MTM1: variants seen among roughly 807,000 people sequenced by gnomAD.
MTM1 encodes the protein myotubularin 1, also known as myotubularin.
A neutral mutation model predicts 52.1 loss-of-function variants in MTM1; 9 were observed. That is an observed-to-expected ratio of 0.17 (90% CI 0.10 to 0.30). The LOEUF is 0.30. MTM1 is among the 10% of genes least tolerant of loss of function. The probability of loss-of-function intolerance (pLI) is 1.00; values close to 1 mark genes in which losing one functional copy is unlikely to be tolerated. For synonymous variants in MTM1, 136 were observed against 163.8 expected (o/e 0.83, Z 1.29); for missense variants, 277 against 470.7 (o/e 0.59, Z 3.81).
At chrX:150,663,318 T>G (rs1433387933) in intron 13 of MTM1, 115 bp from the exon 14 acceptor site, 19 of 829,515 alleles carry the variant, frequency 2.3e-5, no homozygotes, top group Non-Finnish European at 3.4e-5. Context: ...GAGGATAATG[T>G]AAATGTGTGA....
rs972295784 is a variant in MTM1, at chrX:150,648,321, G to A, written c.868-1395G>A. Among the ~76,000 whole-genome samples the A allele has an allele frequency of 4.5e-5, 5 of 111,211 alleles. No homozygotes were observed. The Admixed American group carries it at 4.8e-4, about 11-fold the overall frequency. On this transcript the variant is annotated intron_variant, in intron 9 of 14. Transcript: ENST00000370396. ...AAACCTTTTTCTGTGACTACCTCCA[G>A]GAAAAAACAAAAACAAAAAACAAAA...
chrX:150,567,951 T>C (rs1159549510), upstream of MTM1, among the ~76,000 whole-genome samples: 3 of 111,989 alleles, frequency 2.7e-5, no homozygotes, highest in African/African-American at 9.8e-5. Context: ...GTATCAATAG[T>C]TGTCTGACCC....
intron 1 of MTM1, among the ~76,000 whole-genome samples, chrX:150,590,450 G>T (rs1217045858): frequency 9.0e-6 from 1 of 111,578 alleles, no homozygotes; most frequent in East Asian, 2.8e-4. Flanking sequence ...TGGGAGTGGT[G>T]GGTGACTGCT....
chrX:150,652,947 A>G (rs1447730115), intron 10 of MTM1, among the ~76,000 whole-genome samples: 1 of 110,464 alleles, frequency 9.1e-6, no homozygotes, highest in Non-Finnish European at 1.9e-5. Context: ...TGTCTGAGGA[A>G]GTTAGGAGGT....
intron 3 of MTM1, chrX:150,596,884 C>T (rs1557412621): frequency 4.6e-6 from 1 of 216,982 alleles, no homozygotes; most frequent in Non-Finnish European, 8.3e-6. Flanking sequence ...GTTTTAAGAG[C>T]AAAATGATTT....
At chrX:150,575,401 C>T (rs1033140708) in intron 1 of MTM1, among the ~76,000 whole-genome samples, 2 of 112,630 alleles carry the variant, frequency 1.8e-5, no homozygotes, top group East Asian at 5.5e-4. Context: ...GTGGTCCCAG[C>T]GTGCAGCACT....
chrX:150,565,026 A>G (rs372167730), upstream of MTM1, among the ~76,000 whole-genome samples: 2 of 112,095 alleles, frequency 1.8e-5, no homozygotes, highest in African/African-American at 6.5e-5. Context: ...AGAGGTTTGG[A>G]GAGGTGTACT....
rs1217309055 is a variant in MTM1, at chrX:150,583,423, AT to A, written c.-10-9180del. The stretch of plus-strand genomic sequence containing the variant: ...AATTATATATATTATATTATATATA[AT>A]TATAAATATATAAAAATTATATATA... On this transcript the variant is annotated intron_variant, in intron 1 of 14. Coordinates refer to ENST00000370396, the MANE Select transcript of MTM1 (RefSeq NM_000252.3). 2.3e-4 allele frequency among the ~76,000 whole-genome samples: 9 copies of A among 39,758 alleles called. 1 individual carries two copies. The highest frequency in any genetic ancestry group is 7.7e-4 in the African/African-American group (7 of 9,037). The allele number at this position is 39,758 out of a possible 115,157, so 34.5% of individuals were successfully genotyped here. A position where few individuals can be genotyped will look rare whatever the true frequency, so the allele number is the denominator to read the frequency against.
At chrX:150,584,645 A>G (rs1475438781) in intron 1 of MTM1, among the ~76,000 whole-genome samples, 1 of 111,433 alleles carries the variant, frequency 9.0e-6, no homozygotes, top group African/African-American at 3.3e-5. Context: ...GAGACGGGAC[A>G]CAAAATATCA....
intron 3 of MTM1, 43 bp downstream of exon 3, chrX:150,596,613 G>T (rs1557412615): frequency 9.1e-7 from 1 of 1,103,395 alleles, no homozygotes; most frequent in Admixed American, 2.2e-5. Context: ...TTGAGGAGAA[G>T]TCTGGCAGGA....
intron 1 of MTM1, among the ~76,000 whole-genome samples, chrX:150,587,346 C>T (rs1474678228): frequency 2.7e-5 from 3 of 111,858 alleles, no homozygotes; most frequent in Non-Finnish European, 5.6e-5. Context: ...TGGAATATAG[C>T]CCATCATTTA....
At chrX:150,578,865 T>G (rs2038521320) in intron 1 of MTM1, among the ~76,000 whole-genome samples, 1 of 109,352 alleles carries the variant, frequency 9.1e-6, no homozygotes, top group Non-Finnish European at 1.9e-5. Context: ...TTGAATATTC[T>G]TGGTCGCTTG....
At chrX:150,669,829 T>G (rs890423848) in intron 14 of MTM1, among the ~76,000 whole-genome samples, 3 of 112,432 alleles carry the variant, frequency 2.7e-5, no homozygotes, top group African/African-American at 9.7e-5. Flanking sequence ...GATTGCCTGT[T>G]CACTCTGATG....
intron 14 of MTM1, among the ~76,000 whole-genome samples, chrX:150,664,537 G>C (rs1486136583): frequency 8.9e-6 from 1 of 112,895 alleles, no homozygotes; most frequent in Non-Finnish European, 1.9e-5. Context: ...TGCTACTCAC[G>C]TGAAAGGCTT....
At chrX:150,598,297 G>A (rs1472468207) in intron 3 of MTM1, among the ~76,000 whole-genome samples, 1 of 111,500 alleles carries the variant, frequency 9.0e-6, no homozygotes, top group Non-Finnish European at 1.9e-5. Context: ...AGCAGCAGCA[G>A]TATTCTCATT....
chrX:150,653,281 C>A (rs782666236), intron 10 of MTM1, among the ~76,000 whole-genome samples: 5 of 111,415 alleles, frequency 4.5e-5, no homozygotes, highest in Non-Finnish European at 9.4e-5. Flanking sequence ...CCATTCCCCG[C>A]CTCTTCCAGC....
At chrX:150,618,603 G>A (rs782227353) in intron 5 of MTM1, among the ~76,000 whole-genome samples, 5 of 111,382 alleles carry the variant, frequency 4.5e-5, no homozygotes, top group East Asian at 2.8e-4. Flanking sequence ...GCAGTGAGCC[G>A]AGATCATGCC....
chrX:150,629,194 AC>A (rs2039622339), intron 6 of MTM1, among the ~76,000 whole-genome samples: 1 of 110,434 alleles, frequency 9.1e-6, no homozygotes, highest in Admixed American at 9.6e-5. Context: ...AGTGTGGCCC[AC>A]CTCTCTCCGT....
intron 4 of MTM1, among the ~76,000 whole-genome samples, chrX:150,604,989 C>T (rs16996662): frequency 0.013 from 1,465 of 111,393 alleles, 31 homozygotes; most frequent in African/African-American, 0.045. Context: ...GTGGACTTCT[C>T]GTGCAGCCAT....
Sources: gnomAD v4.1 joint callset for allele counts (sites outside exome capture counted in the v4.1 genomes callset) on GRCh38, gnomAD v4.1.1 for gene constraint, MANE v1.5 for transcripts, NCBI Gene and HGNC (gene_info 2026-07-23, HGNC 2026-07-21) for gene names.